The following NUMA1 variants were observed in gnomAD, a reference collection of about 807,000 sequenced individuals.
NUMA1 encodes the protein SP-H antigen.
NUMA1 carries 62 observed loss-of-function variants against 237.1 expected under a neutral mutation model. That is an observed-to-expected ratio of 0.26 (90% confidence interval 0.21 to 0.32). The LOEUF (loss-of-function observed/expected upper bound fraction) is 0.32. NUMA1 is among the 10% of genes least tolerant of loss of function. The probability of loss-of-function intolerance (pLI) is 1.00; values close to 1 mark genes in which losing one functional copy is unlikely to be tolerated. For missense variants in NUMA1, 2,533 were observed against 2,666.5 expected, an observed-to-expected ratio of 0.95 and a Z score of 1.10; for synonymous variants, 1,028 against 1,066.1, an observed-to-expected ratio of 0.96 and a Z score of 0.70.
chr11:72,025,129 C>T (rs913737007), intron 4 of NUMA1, among the ~76,000 whole-genome samples: 1 of 152,184 alleles, frequency 6.6e-6, no homozygotes, highest in Non-Finnish European at 1.5e-5. Context: ...AACTCCTGAC[C>T]TCCACCCACC....
Position 72,013,601 on chromosome 11 carries a change from G to GCCTCCTCCCGGAGGCTCTGCA in NUMA1, c.3881_3901dup (p.Val1294_Glu1300dup), listed in dbSNP as rs751720054. On this transcript the variant is annotated inframe_insertion, in exon 15 of 27. Transcript: ENST00000393695. This position sits in a 1 kb window ranked among gnomAD's most constrained non-coding sequence, Gnocchi z 6.8. ...CTCTGAAGCCACCCGCTGTTTCTCA[G>GCCTCCTCCCGGAGGCTCTGCA]CCTCCTCCCGGAGGCTCTGCACCTC... 19 of 1,611,950 alleles carry GCCTCCTCCCGGAGGCTCTGCA rather than the reference G, an allele frequency of 1.2e-5. No individual in the cohort carries two copies. Among genetic ancestry groups the GCCTCCTCCCGGAGGCTCTGCA allele is most frequent in the East Asian group, 4.5e-5 (2 of 44,856 alleles).
Position 72,014,916 on chromosome 11 carries a change from T to C in NUMA1, c.2587A>G (p.Ser863Gly). Residue 863 changes from serine (S) to glycine (G), a missense_variant, in exon 15 of 27, where the codon AGC (serine) becomes GGC (glycine). Physicochemically the swap from Ser to Gly is moderately conservative, Grantham distance 56. Transcript: ENST00000393695. This position sits in a 1 kb window ranked among gnomAD's most constrained non-coding sequence, Gnocchi z 4.6. ...TGCTGCCGGCTTATCTGGAGCTCGC[T>C]GTGGGATTCTATGCCTGCCACCTTC... is the stretch of plus-strand genomic sequence containing the variant. ...KEKVAGIESH[S>G]ELQISRQQNE... The C allele has an allele frequency of 6.2e-7, 1 of 1,614,204 alleles. No homozygotes were observed.
chr11:72,015,502 A>T lies in NUMA1; in HGVS notation c.2001T>A (p.His667Gln), dbSNP rs1270472111. The T allele has an allele frequency of 1.2e-6, 2 of 1,612,824 alleles. No individual in the cohort carries two copies. Among genetic ancestry groups the T allele is most frequent in the Non-Finnish European group, 1.7e-6 (2 of 1,179,948 alleles). ...ACVETARQEQ[H>Q]EAQAQVAELE... ...GCTCTGCAACCTGGGCCTGGGCCTC[A>T]TGCTGTTCCTGGCGGGCTGTCTCAA... The change falls in exon 15 of 27, where the codon CAT becomes CAA. Residue 667 changes from histidine to glutamine, a missense_variant. Transcript: ENST00000393695. The surrounding 1 kb of genome is among the most constrained non-coding windows in gnomAD (Gnocchi z 4.0).
rs768062230 is a variant in NUMA1 at position 72,014,446 on chromosome 11, G to A, written c.3057C>T (p.Asp1019=). 1 of 1,605,622 alleles carries A rather than the reference G, an allele frequency of 6.2e-7. No homozygotes were observed. The highest frequency in any genetic ancestry group is 8.5e-7 in the Non-Finnish European group (1 of 1,179,990). ...CTCTGGCCGCCTTCTCCAGGGCAAG[G>A]TCAGCCTGGGCACGGCCCCGCTCCT... ...LTQERGRAQA[D]LALEKAARAE... Residue 1019 remains aspartate, a synonymous_variant, in exon 15 of 27, where the codon GAC becomes GAT. Transcript: ENST00000393695. This position sits in a 1 kb window ranked among gnomAD's most constrained non-coding sequence, Gnocchi z 4.6.
At chr11:72,021,956 C>T (rs1368214011) in intron 7 of NUMA1, among the ~76,000 whole-genome samples, 3 of 151,892 alleles carry the variant, frequency 2.0e-5, no homozygotes, top group Non-Finnish European at 2.9e-5. Flanking sequence ...TTCCAGATGA[C>T]CCTACCAGAG....
intron 13 of NUMA1, chr11:72,016,860 C>A: frequency 4.3e-6 from 1 of 232,852 alleles, no homozygotes; most frequent in Non-Finnish European, 8.4e-6. Flanking sequence ...AGCTGCCCAC[C>A]ATCCTCTGGG....
At chr11:72,051,394 A>T (rs1335804662) in intron 2 of NUMA1, among the ~76,000 whole-genome samples, 1 of 152,184 alleles carries the variant, frequency 6.6e-6, no homozygotes, top group African/African-American at 2.4e-5. Flanking sequence ...TTTACTTAGA[A>T]TTAATGAAAT....
chr11:72,017,907 G>T lies in NUMA1; in HGVS notation c.979-80C>A. 2.0e-6 allele frequency: 3 copies of T among 1,505,492 alleles called. No individual in the cohort carries two copies. In the Admixed American group the frequency reaches 5.4e-5, roughly 27 times the overall value. The allele number at this position is 1,505,492 out of a possible 1,614,324, so 93.3% of individuals were successfully genotyped here. ...CTGCTGTCTGCTCCCAGAACCCCAG[G>T]GGCTGGATGCCTCCAATTATCCTGC... On this transcript the variant is annotated intron_variant, in intron 12 of 26. Coordinates refer to ENST00000393695, the MANE Select transcript of NUMA1 (RefSeq NM_006185.4).
intron 5 of NUMA1, 183 bp downstream of exon 5, chr11:72,024,091 C>T: frequency 1.7e-6 from 1 of 582,520 alleles, no homozygotes; most frequent in South Asian, 2.0e-5. Context: ...TCTTCTTACA[C>T]CAACTGATGA....
intron 2 of NUMA1, chr11:72,041,794 T>C (rs939139877): frequency 4.6e-5 from 7 of 152,280 alleles, no homozygotes; most frequent in African/African-American, 1.7e-4. Flanking sequence ...ACTAAATCCA[T>C]TCCCCGAGGG....
chr11:72,007,672 CA>C (rs1258900737), intron 20 of NUMA1: 17 of 567,754 alleles, frequency 3.0e-5, no homozygotes, highest in Non-Finnish European at 4.7e-5. Flanking sequence ...CCAGATGTCC[CA>C]TCCCCACCAG....
At chr11:72,011,434 C>T (rs1216369844) in intron 16 of NUMA1, among the ~76,000 whole-genome samples, 1 of 152,186 alleles carries the variant, frequency 6.6e-6, no homozygotes, top group Admixed American at 6.5e-5. Context: ...AAGCCCACCC[C>T]ACTCCTACAA....
chr11:72,013,328 GCGGC>G lies in NUMA1; in HGVS notation c.4171_4174del (p.Ala1391LeufsTer18), dbSNP rs758434539. 6.2e-7 allele frequency: 1 copy of G among 1,606,398 alleles called. No homozygotes were observed. ...CAGCAGCTCTGCCCGCAGTCCCCCA[GCGGC>G]CTGCTTGCTCTGCTCCAGCTCCTCA... On this transcript the variant is annotated frameshift_variant, in exon 15 of 27. Coordinates refer to ENST00000393695, the MANE Select transcript of NUMA1 (RefSeq NM_006185.4). LOFTEE classifies it high-confidence loss of function. The surrounding 1 kb of genome is among the most constrained non-coding windows in gnomAD (Gnocchi z 6.8).
chr11:72,072,650 T>C (rs1943505939), intron 1 of NUMA1, among the ~76,000 whole-genome samples: 2 of 152,192 alleles, frequency 1.3e-5, no homozygotes, highest in African/African-American at 2.4e-5. Flanking sequence ...TTACCGCGAC[T>C]GATTACCTAA....
At chr11:72,021,388 C>T (rs1938797938) in intron 7 of NUMA1, 97 bp from the exon 8 acceptor site, 7 of 1,071,362 alleles carry the variant, frequency 6.5e-6, no homozygotes, top group Non-Finnish European at 8.5e-6. Flanking sequence ...TCCCCGGCTC[C>T]CTCATGCCCT....
chr11:72,004,374 G>T lies in NUMA1; in HGVS notation c.6007-33C>A, dbSNP rs11235417. ...GAAGAGGACAGTTAGGCAGACAGTA[G>T]CAAGAGGAGTCACATCTGAAGCCAG... On this transcript the variant is annotated intron_variant, in intron 24 of 26. Transcript: ENST00000393695. 4 of 1,577,420 alleles carry T rather than the reference G, an allele frequency of 2.5e-6. No individual in the cohort carries two copies. In the African/African-American group the frequency reaches 5.4e-5, roughly 21 times the overall value.
At chr11:72,022,472 G>A in intron 6 of NUMA1, 53 bp from the exon 7 acceptor site, 1 of 1,310,494 alleles carries the variant, frequency 7.6e-7, no homozygotes, top group Non-Finnish European at 1.1e-6. Context: ...TCTTCTCAGT[G>A]CCCCCATTCT....
At chr11:72,008,026 C>T (rs1955863391) in intron 20 of NUMA1, 1 of 449,748 alleles carries the variant, frequency 2.2e-6, no homozygotes, top group Non-Finnish European at 4.4e-6. Flanking sequence ...CACTGGGGAA[C>T]CTTGGGCAAG....
chr11:72,005,262 G>A lies in NUMA1; in HGVS notation c.5800C>T (p.Leu1934=). The A allele has an allele frequency of 1.2e-6, 2 of 1,607,110 alleles. No individual in the cohort carries two copies. The highest frequency in any genetic ancestry group is 1.7e-6 in the Non-Finnish European group (2 of 1,176,978). ...GACTCCAGGGGATAGCAGGTCTTCA[G>A]ATGTGGGGGGCACACTCGATTGCGC... ...QQRNRVCPPH[L]KTCYPLESRP... is the part of the protein sequence containing the mutation. Residue 1934 remains leucine (L), a synonymous_variant, in exon 23 of 27, where the codon CTG becomes TTG. Coordinates refer to ENST00000393695, the MANE Select transcript of NUMA1 (RefSeq NM_006185.4).
Sources: gnomAD v4.1 joint callset for allele counts (sites outside exome capture counted in the v4.1 genomes callset) on GRCh38, gnomAD v4.1.1 for gene constraint, Gnocchi (gnomAD v3.1) non-coding constraint, MANE v1.5 for transcripts, NCBI Gene and HGNC (gene_info 2026-07-23, HGNC 2026-07-21) for gene names.